Variants in LMO3 observed in about 807,000 individuals in gnomAD.
LMO3 encodes the protein LIM domain only protein 3.
LMO3 carries 2 observed loss-of-function variants against 15.8 expected under a neutral mutation model. The ratio of observed to expected loss-of-function variants is 0.13; its 90% CI spans 0.05 to 0.40. The LOEUF (loss-of-function observed/expected upper bound fraction) is 0.40, where lower values mean the gene tolerates loss of function less well. LMO3 is among the 10% of genes least tolerant of loss of function. The pLI, the probability that LMO3 is intolerant of heterozygous loss-of-function variation, is 0.99. For synonymous variants in LMO3, 62 were observed against 63.8 expected, an observed-to-expected ratio of 0.97 and a Z score of 0.13; for missense variants, 86 against 182.2, an observed-to-expected ratio of 0.47 and a Z score of 3.04.
chr12:16,607,602 T>C (rs931649728), upstream of LMO3: 6 of 152,154 alleles, frequency 3.9e-5, no homozygotes, highest in Admixed American at 1.3e-4. Flanking sequence ...CTCACCAGAT[T>C]TTACAAAGCT....
At chr12:16,594,701 T>C (rs374511396) in intron 2 of LMO3, among the ~76,000 whole-genome samples, 1 of 151,698 alleles carries the variant, frequency 6.6e-6, no homozygotes, top group Admixed American at 6.6e-5. Flanking sequence ...ATTCTTTTTT[T>C]AGGCTATTTC....
chr12:16,584,282 G>A lies in LMO3; in HGVS notation c.206+16373C>T, dbSNP rs551300431. On this transcript the variant is annotated intron_variant, in intron 2 of 3. Transcript: ENST00000537304. The surrounding 1 kb of genome is among the most constrained non-coding windows in gnomAD (Gnocchi z 5.2). The stretch of plus-strand genomic sequence containing the variant: ...GTTTCTCCTCTTGGCTTCATGGAAT[G>A]TGGGATTTACATGAGTAAGTAGTAC... Among the ~76,000 whole-genome samples the A allele has an allele frequency of 3.3e-4, 51 of 152,298 alleles. 1 individual carries two copies. The South Asian group carries it at 6.0e-3, about 18-fold the overall frequency.
At position 16,560,282 on chromosome 12, in the gene LMO3, T is replaced by G. The variant is rs1421951420; in HGVS notation, c.332+131A>C. ...TAGTAGCTTGTCTCTGGCATGGGAT[T>G]AAAGTTTACAGAACAGAAAAACGCT... is the stretch of plus-strand genomic sequence containing the variant. On this transcript the variant is annotated intron_variant, in intron 3 of 3. Transcript: ENST00000537304. The surrounding 1 kb of genome is among the most constrained non-coding windows in gnomAD (Gnocchi z 5.0). The G allele has an allele frequency of 2.0e-6, 2 of 993,454 alleles. No homozygotes were observed. The highest frequency in any genetic ancestry group is 2.9e-6 in the Non-Finnish European group (2 of 696,806). 61.5% of individuals were successfully genotyped at this position (993,454 alleles called of 1,614,324 possible). A position where few individuals can be genotyped will look rare whatever the true frequency, so the allele number is the denominator to read the frequency against.
chr12:16,605,038 T>G, intron 1 of LMO3: 1 of 1,539,086 alleles, frequency 6.5e-7, no homozygotes, highest in South Asian at 1.2e-5. Flanking sequence ...GTGAAGCCAC[T>G]TTGGGAGCGG....
rs1357260626 is a variant in LMO3, at chr12:16,563,693, G to A, written c.207-3155C>T. Among the ~76,000 whole-genome samples the A allele has an allele frequency of 2.0e-5, 3 of 152,162 alleles. No homozygotes were observed. In the East Asian group the frequency reaches 5.8e-4, roughly 30 times the overall value. On this transcript the variant is annotated intron_variant, in intron 2 of 3. Coordinates refer to ENST00000537304, the MANE Select transcript of LMO3 (RefSeq NM_018640.5). ...TTGTAAATTCTTGTTTGTAGTGCTT[G>A]TACAGTCACATCCTCTAGATAAGAG...
intron 2 of LMO3, among the ~76,000 whole-genome samples, chr12:16,573,078 A>T (rs1303199015): frequency 6.6e-6 from 1 of 152,094 alleles, no homozygotes; most frequent in East Asian, 1.9e-4. Context: ...GAAAGAAAAA[A>T]TACCTTTTTT....
chr12:16,564,791 T>C (rs924536912), intron 2 of LMO3, among the ~76,000 whole-genome samples: 1 of 152,156 alleles, frequency 6.6e-6, no homozygotes, highest in Admixed American at 6.6e-5. Flanking sequence ...TGCATAAATT[T>C]AGAAGTTATT....
chr12:16,605,638 C>A (rs1943968945), intron 1 of LMO3: 3 of 935,656 alleles, frequency 3.2e-6, no homozygotes, highest in Non-Finnish European at 4.7e-6. Context: ...GGACTGAATT[C>A]TTTTCCTATG....
chr12:16,566,931 T>TG (rs1383208957), intron 2 of LMO3, among the ~76,000 whole-genome samples: 1 of 152,152 alleles, frequency 6.6e-6, no homozygotes, highest in Non-Finnish European at 1.5e-5. Flanking sequence ...CAAAAGCCCA[T>TG]GCTACATAGT....
At position 16,549,893 on chromosome 12, in the gene LMO3, C is replaced by T. The variant is rs185204890; in HGVS notation, c.*1329G>A. 4.7e-4 allele frequency: 72 copies of T among 151,994 alleles called. 1 individual carries two copies. The highest frequency in any genetic ancestry group is 1.7e-3 in the African/African-American group (71 of 41,472). 9.4% of individuals were successfully genotyped at this position (151,994 alleles called of 1,614,324 possible). A position where few individuals can be genotyped will look rare whatever the true frequency, so the allele number is the denominator to read the frequency against. ...TATCACGTAAGGTAGTACTATTTCA[C>T]CTTAAAAAATGGAAAGACAAATTTC... On this transcript the variant is annotated 3_prime_UTR_variant, in exon 4 of 4. Coordinates refer to ENST00000537304, the MANE Select transcript of LMO3 (RefSeq NM_018640.5).
Position 16,605,446 on chromosome 12 carries a change from C to G in LMO3, c.-9+620G>C, listed in dbSNP as rs1422981556. 24 of 788,114 alleles carry G rather than the reference C, an allele frequency of 3.0e-5. No individual in the cohort carries two copies. In the East Asian group the frequency reaches 9.1e-4, roughly 30 times the overall value. The allele number at this position is 788,114 out of a possible 1,614,324, so 48.8% of individuals were successfully genotyped here. Reference sequence around the variant, plus strand: ...TGCCCCTACCCGCCTGCCCCCCCCCCCCGCCCCCATGCCCAAACACAGCCA... The same window carrying G: ...TGCCCCTACCCGCCTGCCCCCCCCCGCCGCCCCCATGCCCAAACACAGCCA... On this transcript the variant is annotated intron_variant, in intron 1 of 3. Coordinates refer to ENST00000537304, the MANE Select transcript of LMO3 (RefSeq NM_018640.5).
intron 2 of LMO3, among the ~76,000 whole-genome samples, chr12:16,578,317 C>A (rs1943056279): frequency 6.6e-6 from 1 of 152,050 alleles, no homozygotes; most frequent in African/African-American, 2.4e-5. Flanking sequence ...TTGTATTTTA[C>A]TTAGCTTACC....
intron 3 of LMO3, 56 bp from the exon 4 acceptor site, chr12:16,551,383 A>T (rs561826007): frequency 1.9e-6 from 2 of 1,043,384 alleles, no homozygotes; most frequent in Admixed American, 1.8e-5. Context: ...TGGATCTAGA[A>T]ATTTGAAGAT....
intron 1 of LMO3, among the ~76,000 whole-genome samples, chr12:16,602,698 A>G (rs1863253890): frequency 2.0e-5 from 3 of 152,228 alleles, no homozygotes; most frequent in South Asian, 4.1e-4. Context: ...TAGAACTTCT[A>G]ACAAATGAAG....
chr12:16,560,777 G>A lies in LMO3; in HGVS notation c.207-239C>T. On this transcript the variant is annotated intron_variant, in intron 2 of 3. Transcript: ENST00000537304. This position sits in a 1 kb window ranked among gnomAD's most constrained non-coding sequence, Gnocchi z 5.0. ...GAAAAGGAAAAGACAAATACATTAG[G>A]AAGCTTACGTAACTGCACATAAACA... 1 of 535,144 alleles carries A rather than the reference G, an allele frequency of 1.9e-6. No homozygotes were observed. Among genetic ancestry groups the A allele is most frequent in the Middle Eastern group, 3.1e-4 (1 of 3,276 alleles). 33.1% of individuals were successfully genotyped at this position (535,144 alleles called of 1,614,324 possible).
rs1465473083 is a variant in LMO3 at position 16,560,551 on chromosome 12, A to AC, written c.207-14dup. ...TACACCAAAGAGCCTAGAATAAGAA[A>AC]CATTTTTTTTTTTTTACAAACTCTT... On this transcript the variant is annotated splice_polypyrimidine_tract_variant and intron_variant, in intron 2 of 3. Transcript: ENST00000537304. This position sits in a 1 kb window ranked among gnomAD's most constrained non-coding sequence, Gnocchi z 5.0. The AC allele has an allele frequency of 6.4e-7, 1 of 1,571,910 alleles. No individual in the cohort carries two copies. The highest frequency in any genetic ancestry group is 1.9e-5 in the Admixed American group (1 of 53,522).
chr12:16,583,693 C>T (rs12320182), intron 2 of LMO3, among the ~76,000 whole-genome samples: 112 of 152,292 alleles, frequency 7.4e-4, no homozygotes, highest in African/African-American at 2.5e-3. Context: ...TCTAGCAATG[C>T]TTAACCACAC....
At chr12:16,568,108 G>T (rs1168762038) in intron 2 of LMO3, among the ~76,000 whole-genome samples, 1 of 152,180 alleles carries the variant, frequency 6.6e-6, no homozygotes, top group African/African-American at 2.4e-5. Context: ...TGAGGAAAGA[G>T]ATCTTGGTGA....
chr12:16,578,567 C>T (rs1053419469), intron 2 of LMO3, among the ~76,000 whole-genome samples: 4 of 152,220 alleles, frequency 2.6e-5, no homozygotes, highest in African/African-American at 9.6e-5. Context: ...CCTGTAATCC[C>T]AGCCCTTTGG....
Sources: gnomAD v4.1 joint callset for allele counts (sites outside exome capture counted in the v4.1 genomes callset) on GRCh38, gnomAD v4.1.1 for gene constraint, Gnocchi (gnomAD v3.1) non-coding constraint, MANE v1.5 for transcripts, NCBI Gene and HGNC (gene_info 2026-07-23, HGNC 2026-07-21) for gene names.